FCER1A: variants seen among roughly 807,000 people sequenced by gnomAD.
The protein encoded by FCER1A is high affinity immunoglobulin epsilon receptor subunit alpha.
A neutral mutation model predicts 23.6 loss-of-function variants in FCER1A; 24 were observed. That is an observed-to-expected ratio of 1.02 (90% confidence interval 0.74 to 1.43). FCER1A has a LOEUF of 1.43. FCER1A is among the 40% of genes most tolerant of loss of function. The pLI, the probability that FCER1A is intolerant of heterozygous loss-of-function variation, is 0.00. For missense variants in FCER1A, 318 were observed against 294.5 expected, an observed-to-expected ratio of 1.08 and a Z score of -0.58; for synonymous variants, 121 against 108.8, an observed-to-expected ratio of 1.11 and a Z score of -0.70.
chr1:159,295,580 T>C (rs1652276626), intron 1 of FCER1A, among the ~76,000 whole-genome samples: 1 of 152,206 alleles, frequency 6.6e-6, no homozygotes, highest in African/African-American at 2.4e-5. Context: ...ACTGAATCTA[T>C]TTCTAATATT....
chr1:159,294,967 CT>C (rs1481442135), intron 1 of FCER1A, among the ~76,000 whole-genome samples: 2 of 152,156 alleles, frequency 1.3e-5, no homozygotes, highest in Non-Finnish European at 2.9e-5. Flanking sequence ...CAAATGCTAA[CT>C]TTAATGAGAT....
At chr1:159,293,168 CTGTG>C (rs10632832) in intron 1 of FCER1A, among the ~76,000 whole-genome samples, 2,112 of 145,684 alleles carry the variant, frequency 0.014, 17 homozygotes, top group Non-Finnish European at 0.023. Flanking sequence ...TACATACACA[CTGTG>C]TGTGTGTGTG....
upstream of FCER1A, among the ~76,000 whole-genome samples, chr1:159,299,243 TTCA>T (rs1436333970): frequency 6.6e-6 from 1 of 152,172 alleles, no homozygotes; most frequent in East Asian, 1.9e-4. Flanking sequence ...ATTTTGCACT[TTCA>T]TCGTTTCATA....
At chr1:159,288,741 T>G (rs1307136113), upstream of FCER1A, among the ~76,000 whole-genome samples, 2 of 152,212 alleles carry the variant, frequency 1.3e-5, no homozygotes, top group Non-Finnish European at 2.9e-5. Flanking sequence ...TTAATTGACT[T>G]TCTCCCCATG....
chr1:159,300,779 T>G (rs577449775), upstream of FCER1A, among the ~76,000 whole-genome samples: 1 of 152,342 alleles, frequency 6.6e-6, no homozygotes, highest in South Asian at 2.1e-4. Flanking sequence ...CAATGCATTT[T>G]ACTTCTTTTT....
At chr1:159,291,780 G>A (rs889436421) in intron 1 of FCER1A, among the ~76,000 whole-genome samples, 7 of 152,072 alleles carry the variant, frequency 4.6e-5, no homozygotes, top group Admixed American at 3.3e-4. Context: ...CGCACATGTT[G>A]CCTATGCTTC....
In FCER1A at chr1:159,307,844, A is replaced by G. The variant is rs1482092245; in HGVS notation, c.686A>G (p.Gln229Arg). 5.0e-6 allele frequency: 8 copies of G among 1,613,472 alleles called. No individual in the cohort carries two copies. The highest frequency in any genetic ancestry group is 6.8e-6 in the Non-Finnish European group (8 of 1,179,530). The change falls in exon 5 of 5, where the codon CAG becomes CGG. Residue 229 changes from glutamine (Q) to arginine (R), a missense_variant. Physicochemically the swap from Gln to Arg is conservative, Grantham distance 43. Transcript: ENST00000693622. ...DTGLFISTQQ[Q>R]VTFLLKIKRT... is the part of the protein sequence containing the mutation. ...GGATTATTTATCTCAACTCAGCAGC[A>G]GGTCACATTTCTCTTGAAGATTAAG... is the stretch of plus-strand genomic sequence containing the variant.
rs191399336 is a variant in FCER1A, at chr1:159,296,415, G to C, written c.-59-5891G>C. 2.6e-4 allele frequency among the ~76,000 whole-genome samples: 40 copies of C among 152,246 alleles called. 2 individuals carry two copies. Among genetic ancestry groups the C allele is most frequent in the African/African-American group, 9.6e-4 (40 of 41,560 alleles). ...AAAAACAGACTGATATGAGAATAAG[G>C]TATTGGTGACACAAATATCATGAAC... On this transcript the variant is annotated intron_variant, in intron 1 of 5. Transcript: ENST00000368115.
rs560285693 is a variant in FCER1A, at chr1:159,295,475, C to T, written c.-60+5722C>T. ...TCATTTATTTATTATCAATGAAAAA[C>T]GTACAAATTTTCTAATTAAAAAACT... On this transcript the variant is annotated intron_variant, in intron 1 of 5. Transcript: ENST00000368115. 8.3e-4 allele frequency among the ~76,000 whole-genome samples: 127 copies of T among 152,162 alleles called. 1 individual carries two copies. The highest frequency in any genetic ancestry group is 5.0e-3 in the South Asian group (24 of 4,824).
chr1:159,292,454 C>A (rs1652177915), intron 1 of FCER1A, among the ~76,000 whole-genome samples: 1 of 152,112 alleles, frequency 6.6e-6, no homozygotes, highest in African/African-American at 2.4e-5. Context: ...ACTTTCTGTG[C>A]CCTCCAATCT....
chr1:159,284,432 T>C, the FCER1A span, among the ~76,000 whole-genome samples: 1 of 152,226 alleles, frequency 6.6e-6, no homozygotes, highest in Non-Finnish European at 1.5e-5. Flanking sequence ...ATACAGTCTC[T>C]GCACCCATGT....
chr1:159,288,564 G>A (rs1241265903), upstream of FCER1A, among the ~76,000 whole-genome samples: 1 of 152,102 alleles, frequency 6.6e-6, no homozygotes, highest in Non-Finnish European at 1.5e-5. Context: ...ATTTACTCTG[G>A]TAATTCAGTT....
At chr1:159,306,289 G>C in intron 4 of FCER1A, 44 bp downstream of exon 4, 1 of 1,593,054 alleles carries the variant, frequency 6.3e-7, no homozygotes, top group South Asian at 1.1e-5. Flanking sequence ...GCAGGGGAAG[G>C]AAGAGAGAAC....
chr1:159,287,044 A>T (rs1009600860), upstream of FCER1A, among the ~76,000 whole-genome samples: 2 of 152,222 alleles, frequency 1.3e-5, no homozygotes, highest in Non-Finnish European at 2.9e-5. Flanking sequence ...ATGATGCACA[A>T]TTGAAAAATC....
upstream of FCER1A, among the ~76,000 whole-genome samples, chr1:159,284,907 C>G (rs1029656240): frequency 6.6e-6 from 1 of 152,164 alleles, no homozygotes; most frequent in Non-Finnish European, 1.5e-5. Flanking sequence ...ATTGCCTTGA[C>G]TTTTATTACA....
intron 1 of FCER1A, among the ~76,000 whole-genome samples, chr1:159,296,904 A>G (rs1652306204): frequency 6.6e-6 from 1 of 152,116 alleles, no homozygotes; most frequent in Non-Finnish European, 1.5e-5. Context: ...ATCCTCACTC[A>G]TACCCTCTTT....
intron 1 of FCER1A, among the ~76,000 whole-genome samples, chr1:159,296,896 C>G (rs922284874): frequency 6.6e-6 from 1 of 152,136 alleles, no homozygotes; most frequent in African/African-American, 2.4e-5. Context: ...CTGTTCCCAT[C>G]CTCACTCATA....
At chr1:159,293,031 C>T (rs55747323) in intron 1 of FCER1A, among the ~76,000 whole-genome samples, 23,192 of 151,460 alleles carry the variant, frequency 0.15, 1,884 homozygotes, top group Admixed American at 0.18. Context: ...TCACAGTCTC[C>T]AGAACTTTAA....
chr1:159,284,119 T>C, the FCER1A span, among the ~76,000 whole-genome samples: 3 of 152,204 alleles, frequency 2.0e-5, no homozygotes, highest in Non-Finnish European at 2.9e-5. Flanking sequence ...AGCAGCTAGC[T>C]TCCTGAAACT....
Sources: allele counts gnomAD v4.1 joint callset (sites outside exome capture counted in the v4.1 genomes callset), GRCh38; gene constraint gnomAD v4.1.1; transcripts MANE v1.5; gene names NCBI Gene and HGNC (gene_info 2026-07-23, HGNC 2026-07-21).